LPP: variants seen among roughly 807,000 people sequenced by gnomAD.
LPP encodes LIM domain containing preferred translocation partner in lipoma, also known as lipoma-preferred partner.
LPP carries 38 observed loss-of-function variants against 60.4 expected under a neutral mutation model. The observed-to-expected ratio is 0.63, with a 90% CI of 0.49 to 0.83. The LOEUF is 0.83. Among genes scored for constraint, LPP ranks in the 40% least tolerant of loss-of-function variants. The pLI is 0.00. For missense variants in LPP, 902 were observed against 783.6 expected, an observed-to-expected ratio of 1.15 and a Z score of -1.80; for synonymous variants, 328 against 290.8, an observed-to-expected ratio of 1.13 and a Z score of -1.30.
intron 5 of LPP, among the ~76,000 whole-genome samples, chr3:188,510,705 C>CTAT (rs1265863612): frequency 1.3e-5 from 2 of 152,230 alleles, no homozygotes; most frequent in Non-Finnish European, 2.9e-5. Context: ...TGCTCTTACT[C>CTAT]TATTTTTACC....
chr3:188,551,566 G>A (rs551393546), intron 6 of LPP, among the ~76,000 whole-genome samples: 5 of 152,212 alleles, frequency 3.3e-5, no homozygotes, highest in African/African-American at 1.2e-4. Flanking sequence ...GTAAAATATG[G>A]ACCTTCTCAT....
chr3:188,538,959 T>C (rs747654450), intron 6 of LPP, among the ~76,000 whole-genome samples: 1 of 152,144 alleles, frequency 6.6e-6, no homozygotes, highest in Non-Finnish European at 1.5e-5. Flanking sequence ...TCCATTTATA[T>C]GAATGGGCAA....
intron 4 of LPP, among the ~76,000 whole-genome samples, chr3:188,426,244 C>A (rs1789311168): frequency 6.6e-6 from 1 of 152,122 alleles, no homozygotes; most frequent in African/African-American, 2.4e-5. Flanking sequence ...TGTTCAGTTT[C>A]CATGCAGTTG....
In LPP at chr3:188,285,821, C is replaced by G. The variant is rs563769523; in HGVS notation, c.-66-55842C>G. Reference sequence around the variant, plus strand: ...GAGGATTTCCTAGCTTGCTGTTTATCCTGGGAGAATTTCTGAGTTTCTTGG... The same window carrying G: ...GAGGATTTCCTAGCTTGCTGTTTATGCTGGGAGAATTTCTGAGTTTCTTGG... On this transcript the variant is annotated intron_variant, in intron 2 of 11. Transcript: ENST00000617246. Among the ~76,000 whole-genome samples the G allele has an allele frequency of 6.4e-4, 97 of 152,318 alleles. 1 individual carries two copies. The highest frequency in any genetic ancestry group is 2.2e-3 in the African/African-American group (93 of 41,568).
intron 2 of LPP, among the ~76,000 whole-genome samples, chr3:188,274,264 TG>T (rs1738872834): frequency 6.6e-6 from 1 of 152,270 alleles, no homozygotes; most frequent in Non-Finnish European, 1.5e-5. Context: ...GCTCAAATTG[TG>T]AGTCATGTAG....
chr3:188,375,602 C>T (rs1163362893), intron 3 of LPP, among the ~76,000 whole-genome samples: 36 of 151,694 alleles, frequency 2.4e-4, no homozygotes, highest in Admixed American at 2.4e-3. Context: ...CTCTTTTCTT[C>T]TTTATTAGTC....
At chr3:188,259,464 A>T (rs1577642186) in intron 2 of LPP, among the ~76,000 whole-genome samples, 1 of 152,226 alleles carries the variant, frequency 6.6e-6, no homozygotes, top group South Asian at 2.1e-4. Flanking sequence ...TTGTCCTTCC[A>T]GCAGCTAGAA....
At chr3:188,589,110 G>A (rs1327802590) in intron 6 of LPP, among the ~76,000 whole-genome samples, 1 of 151,788 alleles carries the variant, frequency 6.6e-6, no homozygotes, top group African/African-American at 2.4e-5. Context: ...ATAGGGGAGA[G>A]GGTGTTTTTT....
rs773660879 is a variant in LPP at position 188,437,624 on chromosome 3, GC to G, written c.193+31312del. ...TGTAACTAAAGATAGACATAATTTT[GC>G]ATTTTTTTCACTTAATACTACAGAA... is the stretch of plus-strand genomic sequence containing the variant. On this transcript the variant is annotated intron_variant, in intron 4 of 11. Transcript: ENST00000617246. Among the ~76,000 whole-genome samples the G allele has an allele frequency of 1.9e-4, 29 of 152,172 alleles. 1 individual carries two copies. The Middle Eastern group carries it at 0.014, about 71-fold the overall frequency.
At chr3:188,689,399 G>A (rs1439104113) in intron 7 of LPP, among the ~76,000 whole-genome samples, 1 of 152,158 alleles carries the variant, frequency 6.6e-6, no homozygotes, top group East Asian at 1.9e-4. Flanking sequence ...AATCTTCTTG[G>A]CAGGAAAAGT....
intron 9 of LPP, among the ~76,000 whole-genome samples, chr3:188,825,245 CTT>C (rs1491310888): frequency 6.6e-5 from 9 of 136,306 alleles, no homozygotes; most frequent in South Asian, 2.4e-4. Context: ...CCCAGCCTTT[CTT>C]TCTCTCTCTC....
intron 2 of LPP, among the ~76,000 whole-genome samples, chr3:188,334,337 G>A (rs1760989589): frequency 6.6e-6 from 1 of 150,444 alleles, no homozygotes; most frequent in Non-Finnish European, 1.5e-5. Context: ...ACATGGGAAT[G>A]CAGATATCTT....
chr3:188,325,490 T>G (rs1325667644), intron 2 of LPP, among the ~76,000 whole-genome samples: 2 of 152,228 alleles, frequency 1.3e-5, no homozygotes, highest in East Asian at 3.9e-4. Context: ...GTAGCACACA[T>G]ACCCCCCTCC....
intron 11 of LPP, 33 bp from the exon 12 acceptor site, chr3:188,874,318 T>G (rs1266536464): frequency 2.5e-6 from 4 of 1,593,350 alleles, no homozygotes; most frequent in East Asian, 4.5e-5. Context: ...ACGTTTTTAC[T>G]TATGTCGTTT....
intron 3 of LPP, among the ~76,000 whole-genome samples, chr3:188,378,151 T>A (rs1209366305): frequency 6.6e-6 from 1 of 152,150 alleles, no homozygotes. Flanking sequence ...TACTTGCGGG[T>A]CAGGGACCCA....
At chr3:188,727,399 A>T (rs1718820019) in intron 8 of LPP, among the ~76,000 whole-genome samples, 1 of 152,198 alleles carries the variant, frequency 6.6e-6, no homozygotes, top group African/African-American at 2.4e-5. Flanking sequence ...ATTTCTGGTG[A>T]TGACCACGGG....
rs564941918 is a variant in LPP at position 188,872,648 on chromosome 3, T to C, written c.1595T>C (p.Phe532Ser). The change falls in exon 11 of 12, where the codon TTT becomes TCT. Residue 532 changes from phenylalanine to serine, a missense_variant. Physicochemically the swap from Phe to Ser is radical, Grantham distance 155. Transcript: ENST00000617246. ...AACTCTCTCTTCACTTTCAGGAAAT[T>C]TGCCCCGCGATGTTCTGTGTGCAAG... The part of the protein sequence containing the change: ...IHCIEDFHKK[F>S]APRCSVCKEP... The C allele has an allele frequency of 6.2e-7, 1 of 1,614,060 alleles. No individual in the cohort carries two copies. Among genetic ancestry groups the C allele is most frequent in the East Asian group, 2.2e-5 (1 of 44,858 alleles).
intron 6 of LPP, among the ~76,000 whole-genome samples, chr3:188,603,660 C>T (rs1051959198): frequency 1.3e-5 from 2 of 152,010 alleles, no homozygotes; most frequent in Non-Finnish European, 2.9e-5. Flanking sequence ...TTTGGGGTTA[C>T]CAATAGGTAT....
chr3:188,609,509 G>T lies in LPP; in HGVS notation c.778G>T (p.Gly260Trp). The T allele has an allele frequency of 6.2e-7, 1 of 1,614,004 alleles. No homozygotes were observed. The highest frequency in any genetic ancestry group is 8.5e-7 in the Non-Finnish European group (1 of 1,180,014). ...GYNTQPVPVS[G>W]QCPPPSTRGG... ...TAACACTCAGCCAGTTCCTGTCTCT[G>T]GGCAGTGTCCACCTCCTTCAACACG... is the stretch of plus-strand genomic sequence containing the variant. The change falls in exon 7 of 12, where the codon GGG becomes TGG. Residue 260 changes from glycine (G) to tryptophan (W), a missense_variant. Coordinates refer to ENST00000617246, the MANE Select transcript of LPP (RefSeq NM_001375462.1). This position sits in a 1 kb window ranked among gnomAD's most constrained non-coding sequence, Gnocchi z 6.9.
Sources: allele counts gnomAD v4.1 joint callset (sites outside exome capture counted in the v4.1 genomes callset), GRCh38; gene constraint gnomAD v4.1.1; non-coding constraint Gnocchi (gnomAD v3.1); transcripts MANE v1.5; gene names NCBI Gene and HGNC (gene_info 2026-07-23, HGNC 2026-07-21).